Variants in CSMD1 observed in about 807,000 individuals in gnomAD.
The protein encoded by CSMD1 is CUB and Sushi multiple domains 1.
In CSMD1, 213 loss-of-function variants were observed where a neutral mutation model predicts 417.5. That is an observed-to-expected ratio of 0.51 (90% CI 0.46 to 0.57). The LOEUF (loss-of-function observed/expected upper bound fraction) is 0.57. Among genes scored for constraint, CSMD1 ranks in the 20% least tolerant of loss-of-function variants. The pLI is 0.00. For missense variants in CSMD1, 6,923 were observed against 4,529.7 expected (o/e 1.53, Z -15.17); for synonymous variants, 2,862 against 1,736.8 (o/e 1.65, Z -16.11).
At chr8:3,484,168 C>G (rs187144432) in intron 11 of CSMD1, among the ~76,000 whole-genome samples, 67 of 152,224 alleles carry the variant, frequency 4.4e-4, no homozygotes, top group African/African-American at 1.6e-3. Flanking sequence ...AACATCACTC[C>G]GCCTGATATT....
intron 1 of CSMD1, among the ~76,000 whole-genome samples, chr8:4,723,527 C>T (rs1441371086): frequency 1.3e-5 from 2 of 151,934 alleles, no homozygotes; most frequent in Non-Finnish European, 2.9e-5. Flanking sequence ...CTGTGTATAC[C>T]TGTGCATAAT....
At chr8:4,141,751 T>C (rs375008303) in intron 3 of CSMD1, among the ~76,000 whole-genome samples, 1 of 77,102 alleles carries the variant, frequency 1.3e-5, no homozygotes, top group Non-Finnish European at 3.9e-5. Flanking sequence ...CAGTGATTCA[T>C]CCCATGCCAT....
chr8:3,810,582 G>T (rs768709717), intron 5 of CSMD1, among the ~76,000 whole-genome samples: 1 of 152,130 alleles, frequency 6.6e-6, no homozygotes, highest in Non-Finnish European at 1.5e-5. Flanking sequence ...GTTAGAAGGA[G>T]GCTTCTCCGA....
At chr8:4,617,558 T>A (rs1340399492) in intron 2 of CSMD1, among the ~76,000 whole-genome samples, 2 of 152,196 alleles carry the variant, frequency 1.3e-5, no homozygotes, top group African/African-American at 4.8e-5. Context: ...TCCATCATGG[T>A]GGCGCTCTCC....
intron 52 of CSMD1, among the ~76,000 whole-genome samples, chr8:3,012,330 T>G (rs995684280): frequency 6.6e-6 from 1 of 152,208 alleles, no homozygotes; most frequent in Non-Finnish European, 1.5e-5. Flanking sequence ...AGCTGTCCTA[T>G]AGTTGACATT....
At chr8:3,622,653 A>G (rs1004127425) in intron 7 of CSMD1, among the ~76,000 whole-genome samples, 1 of 152,280 alleles carries the variant, frequency 6.6e-6, no homozygotes, top group Admixed American at 6.5e-5. Flanking sequence ...GATAACAAAA[A>G]GTGATTAGAG....
intron 25 of CSMD1, among the ~76,000 whole-genome samples, chr8:3,293,338 C>T (rs192514912): frequency 1.2e-4 from 19 of 152,054 alleles, no homozygotes; most frequent in South Asian, 2.1e-4. Context: ...ATCTTTGTGG[C>T]GTTCTCTGGA....
chr8:4,471,538 T>C (rs1800531067), intron 2 of CSMD1, among the ~76,000 whole-genome samples: 1 of 152,032 alleles, frequency 6.6e-6, no homozygotes, highest in South Asian at 2.1e-4. Flanking sequence ...TGCTTAAGAA[T>C]TAGAACCAGT....
chr8:4,137,922 G>A (rs1161568852), intron 3 of CSMD1, among the ~76,000 whole-genome samples: 2 of 151,732 alleles, frequency 1.3e-5, no homozygotes, highest in African/African-American at 4.8e-5. Context: ...CTGTCGCCCA[G>A]GTTGGAGTGC....
chr8:3,060,318 G>A (rs1812510107), intron 49 of CSMD1, among the ~76,000 whole-genome samples: 1 of 151,830 alleles, frequency 6.6e-6, no homozygotes, highest in Non-Finnish European at 1.5e-5. Flanking sequence ...GCTAATTTTT[G>A]TATTTTTAGT....
intron 12 of CSMD1, among the ~76,000 whole-genome samples, chr8:3,445,083 C>A (rs1377064746): frequency 1.3e-5 from 2 of 152,068 alleles, no homozygotes; most frequent in African/African-American, 4.8e-5. Context: ...ATGGCAAATT[C>A]AACAGGGAAA....
At chr8:3,644,778 G>C (rs1797489714) in intron 7 of CSMD1, among the ~76,000 whole-genome samples, 1 of 151,948 alleles carries the variant, frequency 6.6e-6, no homozygotes, top group Non-Finnish European at 1.5e-5. Flanking sequence ...ATCGCTTGTA[G>C]AAAGCGTGCA....
Position 3,334,479 on chromosome 8 carries a change from G to C in CSMD1, c.3631+8815C>G, listed in dbSNP as rs572845211. On this transcript the variant is annotated intron_variant, in intron 23 of 69. Coordinates refer to ENST00000635120, the MANE Select transcript of CSMD1 (RefSeq NM_033225.6). ...TCATTTTTATTTTCAAAGCCACTCTGTCATTTATAATAGTATATTTAATGT... is the reference window on the plus strand; with the variant it reads ...TCATTTTTATTTTCAAAGCCACTCTCTCATTTATAATAGTATATTTAATGT... Among the ~76,000 whole-genome samples the C allele has an allele frequency of 5.3e-5, 8 of 152,196 alleles. No homozygotes were observed. In the East Asian group the frequency reaches 9.7e-4, roughly 18 times the overall value.
intron 1 of CSMD1, among the ~76,000 whole-genome samples, chr8:4,738,709 A>G (rs568076324): frequency 1.1e-4 from 16 of 152,322 alleles, no homozygotes; most frequent in Non-Finnish European, 2.2e-4. Flanking sequence ...TTTCATTGAT[A>G]TATTAATTAA....
At chr8:3,421,309 T>A (rs919504325) in intron 12 of CSMD1, among the ~76,000 whole-genome samples, 2 of 152,192 alleles carry the variant, frequency 1.3e-5, no homozygotes, top group Admixed American at 6.5e-5. Flanking sequence ...CAGTTGGATA[T>A]AGGACGAGAA....
At chr8:2,954,194 T>G (rs780526834) in intron 65 of CSMD1, 30 bp downstream of exon 65, 8 of 1,351,322 alleles carry the variant, frequency 5.9e-6, no homozygotes, top group Non-Finnish European at 4.1e-6. Flanking sequence ...TTTATTGGAT[T>G]GAAATCTAGA....
chr8:3,603,984 T>G (rs779188584), intron 8 of CSMD1, among the ~76,000 whole-genome samples: 3 of 152,188 alleles, frequency 2.0e-5, no homozygotes, highest in East Asian at 1.9e-4. Context: ...AATGAAAATT[T>G]TGCATACTGA....
chr8:4,251,000 TCA>T (rs1419180835), intron 3 of CSMD1, among the ~76,000 whole-genome samples: 7 of 152,188 alleles, frequency 4.6e-5, no homozygotes, highest in Non-Finnish European at 4.4e-5. Flanking sequence ...ATTTCCTAAA[TCA>T]CAGTTAATGA....
intron 50 of CSMD1, among the ~76,000 whole-genome samples, chr8:3,033,507 C>G (rs1178911202): frequency 6.6e-6 from 1 of 151,920 alleles, no homozygotes; most frequent in Non-Finnish European, 1.5e-5. Flanking sequence ...GAACAGAAAA[C>G]CAAACACCGC....
Sources: gnomAD v4.1 joint callset for allele counts (sites outside exome capture counted in the v4.1 genomes callset) on GRCh38, gnomAD v4.1.1 for gene constraint, MANE v1.5 for transcripts, NCBI Gene and HGNC (gene_info 2026-07-23, HGNC 2026-07-21) for gene names.